DCC: variants seen among roughly 807,000 people sequenced by gnomAD.
DCC encodes the protein netrin receptor DCC.
A neutral mutation model predicts 172.5 loss-of-function variants in DCC; 58 were observed. The ratio of observed to expected loss-of-function variants is 0.34; its 90% CI spans 0.27 to 0.42. DCC has a LOEUF of 0.42. DCC is among the 10% of genes least tolerant of loss of function. The pLI is 1.00. For synonymous variants in DCC, 709 were observed against 644.5 expected (o/e 1.10, Z -1.52); for missense variants, 1,740 against 1,791.0 (o/e 0.97, Z 0.51).
At chr18:53,029,439 G>A (rs905754800) in intron 5 of DCC, among the ~76,000 whole-genome samples, 1 of 152,094 alleles carries the variant, frequency 6.6e-6, no homozygotes, top group Non-Finnish European at 1.5e-5. Context: ...CTTTTCCAAG[G>A]TACATTTAGG....
chr18:52,455,225 C>G (rs1988422890), intron 1 of DCC, among the ~76,000 whole-genome samples: 1 of 152,082 alleles, frequency 6.6e-6, no homozygotes, highest in African/African-American at 2.4e-5. Flanking sequence ...GAACCTTCAT[C>G]ATCGTGTTTC....
At chr18:52,497,241 A>T in intron 1 of DCC, among the ~76,000 whole-genome samples, 1 of 132,498 alleles carries the variant, frequency 7.5e-6, no homozygotes. Context: ...AGCCTGGGTA[A>T]CAGAGTGAGA....
chr18:53,092,501 A>G (rs1005943906), intron 7 of DCC, among the ~76,000 whole-genome samples: 5 of 152,212 alleles, frequency 3.3e-5, no homozygotes, highest in Admixed American at 6.5e-5. Flanking sequence ...ATATATCATA[A>G]CATATGTTTT....
At chr18:53,066,353 G>GTATATATATATATATA (rs10526030) in intron 7 of DCC, among the ~76,000 whole-genome samples, 187 bp downstream of exon 7, 3 of 94,608 alleles carry the variant, frequency 3.2e-5, no homozygotes, top group Non-Finnish European at 6.7e-5. Context: ...GTACATGTGT[G>GTATATATATATATATA]TATATATATA....
chr18:53,450,180 TAC>T (rs144259404), intron 22 of DCC, among the ~76,000 whole-genome samples: 367 of 150,072 alleles, frequency 2.4e-3, no homozygotes, highest in African/African-American at 8.6e-3. Context: ...CATACATACA[TAC>T]ACACACACAC....
At chr18:53,261,004 G>T (rs767893555) in intron 12 of DCC, among the ~76,000 whole-genome samples, 6 of 152,158 alleles carry the variant, frequency 3.9e-5, no homozygotes, top group Non-Finnish European at 8.8e-5. Context: ...CTCCACGCCA[G>T]GCACTGGATA....
chr18:52,882,216 T>A (rs1160569874), intron 2 of DCC, among the ~76,000 whole-genome samples: 1 of 149,452 alleles, frequency 6.7e-6, no homozygotes, highest in Non-Finnish European at 1.5e-5. Context: ...TTTACAAATA[T>A]AAGATTATTT....
chr18:52,612,150 C>T (rs1281730313), intron 1 of DCC, among the ~76,000 whole-genome samples: 8 of 152,132 alleles, frequency 5.3e-5, no homozygotes, highest in African/African-American at 7.2e-5. Context: ...TCAGATCTCT[C>T]GAAATTAATC....
chr18:53,521,030 C>T (rs2046393524), intron 27 of DCC, among the ~76,000 whole-genome samples: 1 of 152,056 alleles, frequency 6.6e-6, no homozygotes, highest in African/African-American at 2.4e-5. Context: ...CCTCAGTATT[C>T]TCTTCAACAA....
intron 5 of DCC, among the ~76,000 whole-genome samples, chr18:53,050,337 A>C (rs1011999180): frequency 5.9e-5 from 9 of 152,094 alleles, no homozygotes; most frequent in African/African-American, 2.2e-4. Context: ...CCTTCAATCC[A>C]ATCAAGTTGA....
At chr18:52,415,108 G>T (rs975029146) in intron 1 of DCC, among the ~76,000 whole-genome samples, 6 of 152,136 alleles carry the variant, frequency 3.9e-5, no homozygotes, top group Admixed American at 2.0e-4. Context: ...CATTATCATT[G>T]TACAGATTTA....
intron 1 of DCC, among the ~76,000 whole-genome samples, chr18:52,459,760 C>T (rs749394967): frequency 2.0e-5 from 3 of 152,078 alleles, no homozygotes; most frequent in South Asian, 4.1e-4. Flanking sequence ...TGAGCAACCG[C>T]GCCCAGGCCC....
chr18:53,494,240 C>G (rs2045992466), intron 26 of DCC, among the ~76,000 whole-genome samples: 1 of 152,254 alleles, frequency 6.6e-6, no homozygotes, highest in South Asian at 2.1e-4. Flanking sequence ...TGTTTTACCT[C>G]CAATTATATG....
Position 52,783,323 on chromosome 18 carries a change from C to CTTTTT in DCC, c.412+30983_412+30987dup, listed in dbSNP as rs374129823. On this transcript the variant is annotated intron_variant, in intron 2 of 28. Coordinates refer to ENST00000442544, the MANE Select transcript of DCC (RefSeq NM_005215.4). ...ACTAAAAATAATTTATACTACTACT[C>CTTTTT]TTTTTTTTTTTTTTTTTTTTTTTTT... is the stretch of plus-strand genomic sequence containing the variant. Among the ~76,000 whole-genome samples, 216 of 59,246 alleles carry CTTTTT rather than the reference C, an allele frequency of 3.6e-3. 35 individuals are homozygous for CTTTTT. Among genetic ancestry groups the CTTTTT allele is most frequent in the African/African-American group, 4.4e-3 (55 of 12,484 alleles). 38.9% of individuals were successfully genotyped at this position (59,246 alleles called of 152,430 possible).
chr18:52,439,533 G>A (rs903052910), intron 1 of DCC, among the ~76,000 whole-genome samples: 1 of 152,140 alleles, frequency 6.6e-6, no homozygotes, highest in Non-Finnish European at 1.5e-5. Context: ...ATACTGAAGC[G>A]CCCTGTTAAA....
At chr18:53,379,721 AT>A (rs1311776181) in intron 15 of DCC, among the ~76,000 whole-genome samples, 3 of 152,126 alleles carry the variant, frequency 2.0e-5, no homozygotes, top group Admixed American at 1.3e-4. Flanking sequence ...AGAGCCATCT[AT>A]TTTGGATGCT....
At chr18:53,041,058 C>A (rs537340595) in intron 5 of DCC, among the ~76,000 whole-genome samples, 2 of 151,878 alleles carry the variant, frequency 1.3e-5, no homozygotes, top group African/African-American at 4.8e-5. Context: ...ATGTATTAAT[C>A]TTGGATTTTG....
chr18:52,649,290 G>A (rs779436157), intron 1 of DCC, among the ~76,000 whole-genome samples: 13 of 150,852 alleles, frequency 8.6e-5, no homozygotes, highest in East Asian at 2.0e-4. Context: ...GGAGAATGGC[G>A]TGAACCCGGG....
intron 2 of DCC, among the ~76,000 whole-genome samples, chr18:52,863,318 A>G (rs1237875412): frequency 6.6e-6 from 1 of 151,872 alleles, no homozygotes; most frequent in Non-Finnish European, 1.5e-5. Flanking sequence ...TGACTCCCAT[A>G]ACCCTAATTT....
Sources: gnomAD v4.1 joint callset for allele counts (sites outside exome capture counted in the v4.1 genomes callset) on GRCh38, gnomAD v4.1.1 for gene constraint, MANE v1.5 for transcripts, NCBI Gene and HGNC (gene_info 2026-07-23, HGNC 2026-07-21) for gene names.